Variants in AK3 observed in about 807,000 individuals in gnomAD.
AK3 encodes the protein adenylate kinase 3.
A neutral mutation model predicts 23.7 loss-of-function variants in AK3; 27 were observed. The observed-to-expected ratio is 1.14, with a 90% CI of 0.84 to 1.57. AK3 has a LOEUF of 1.57. AK3 is among the 40% of genes most tolerant of loss of function. The pLI is 0.00. For synonymous variants in AK3, 159 were observed against 116.0 expected (o/e 1.37, Z -2.38); for missense variants, 406 against 285.6 (o/e 1.42, Z -3.04).
intron 1 of AK3, among the ~76,000 whole-genome samples, chr9:4,740,406 T>C (rs1465502439): frequency 6.6e-6 from 1 of 152,204 alleles, no homozygotes; most frequent in African/African-American, 2.4e-5. Flanking sequence ...GAGATAATTT[T>C]ATGACTGCAA....
At chr9:4,720,267 T>C (rs1324933995) in intron 2 of AK3, among the ~76,000 whole-genome samples, 2 of 152,162 alleles carry the variant, frequency 1.3e-5, no homozygotes, top group Non-Finnish European at 2.9e-5. Context: ...CCCAAGTATA[T>C]TAGGGAATTT....
intron 1 of AK3, among the ~76,000 whole-genome samples, chr9:4,736,539 C>G (rs1366401621): frequency 3.3e-5 from 5 of 151,296 alleles, no homozygotes; most frequent in African/African-American, 1.2e-4. Flanking sequence ...CTATGTGCCA[C>G]AGGTGTACAT....
rs1228307322 is a variant in AK3 at position 4,741,084 on chromosome 9, C to T, written c.4G>A (p.Gly2Arg). M[G>R]ASARLLRAVI... ...GCTCGCAGCAGCCGCGCGGACGCCC[C>T]CATGGCCGCAGACTGAGGCCCGCAC... is the stretch of plus-strand genomic sequence containing the variant. Residue 2 changes from glycine to arginine, a missense_variant, in exon 1 of 5, where the codon GGG becomes AGG. Coordinates refer to ENST00000381809, the MANE Select transcript of AK3 (RefSeq NM_016282.4). 1 of 1,538,148 alleles carries T rather than the reference C, an allele frequency of 6.5e-7. No individual in the cohort carries two copies. The highest frequency in any genetic ancestry group is 8.7e-7 in the Non-Finnish European group (1 of 1,143,796).
chr9:4,737,791 C>G (rs974867390), intron 1 of AK3, among the ~76,000 whole-genome samples: 3 of 152,156 alleles, frequency 2.0e-5, no homozygotes, highest in Non-Finnish European at 2.9e-5. Flanking sequence ...TCCCTGACTC[C>G]AAGTTTCAGT....
chr9:4,741,396 A>T (rs1356353180), upstream of AK3: 3 of 263,176 alleles, frequency 1.1e-5, no homozygotes, highest in East Asian at 2.1e-4. Context: ...CCCAGCTCCC[A>T]CCTGCGCCTC....
At chr9:4,721,879 C>G (rs1364908632) in intron 2 of AK3, among the ~76,000 whole-genome samples, 1 of 152,180 alleles carries the variant, frequency 6.6e-6, no homozygotes, top group African/African-American at 2.4e-5. Context: ...ACTTCAGAAC[C>G]TTCTTAGATA....
chr9:4,717,317 G>A (rs1425686796), intron 4 of AK3, among the ~76,000 whole-genome samples: 1 of 152,172 alleles, frequency 6.6e-6, no homozygotes, highest in Non-Finnish European at 1.5e-5. Context: ...AAGAAAACTG[G>A]AGTATTTCTT....
chr9:4,711,199 A>T lies in AK3; in HGVS notation c.*1777T>A, dbSNP rs1021745089. ...TTATTAGAACAGTCATTCAGAAGCCATTGAGACATCAGGCAGCAGAAAGGA... is the reference window on the plus strand; with the variant it reads ...TTATTAGAACAGTCATTCAGAAGCCTTTGAGACATCAGGCAGCAGAAAGGA... On this transcript the variant is annotated 3_prime_UTR_variant, in exon 5 of 5. Transcript: ENST00000381809. 1 of 152,612 alleles carries T rather than the reference A, an allele frequency of 6.6e-6. No homozygotes were observed. Among genetic ancestry groups the T allele is most frequent in the African/African-American group, 2.4e-5 (1 of 41,458 alleles). The allele number at this position is 152,612 out of a possible 1,614,324, so 9.5% of individuals were successfully genotyped here.
intron 1 of AK3, among the ~76,000 whole-genome samples, chr9:4,737,709 G>C (rs1178131185): frequency 2.0e-5 from 3 of 152,052 alleles, no homozygotes; most frequent in East Asian, 1.9e-4. Flanking sequence ...ACAGAGTGGG[G>C]ACTCTGTCTC....
intron 1 of AK3, 75 bp from the exon 2 acceptor site, chr9:4,722,700 C>T (rs1249649198): frequency 1.3e-6 from 2 of 1,590,032 alleles, no homozygotes; most frequent in Non-Finnish European, 1.7e-6. Context: ...AACGAGTTGC[C>T]TAAAGGGGAA....
At chr9:4,718,629 G>C (rs1361545487) in intron 3 of AK3, 92 bp from the exon 4 acceptor site, 2 of 983,784 alleles carry the variant, frequency 2.0e-6, no homozygotes, top group African/African-American at 3.3e-5. Context: ...AGACATCTCT[G>C]TGCAAGTGCC....
Position 4,717,617 on chromosome 9 carries a change from G to A in AK3, c.563+802C>T, listed in dbSNP as rs567842534. ...GGATTTTTCAGCTTTATGATGGTGC[G>A]AAAGCAACATGCATTCAATAGAAAT... On this transcript the variant is annotated intron_variant, in intron 4 of 4. Coordinates refer to ENST00000381809, the MANE Select transcript of AK3 (RefSeq NM_016282.4). 9.3e-4 allele frequency among the ~76,000 whole-genome samples: 142 copies of A among 152,264 alleles called. No individual in the cohort carries two copies. The Middle Eastern group carries it at 0.031, about 33-fold the overall frequency.
At chr9:4,713,905 C>CATATACAA in intron 4 of AK3, among the ~76,000 whole-genome samples, 1 of 12 alleles carries the variant, frequency 0.083, no homozygotes, top group Admixed American at 0.17. Flanking sequence ...TACACCTACG[C>CATATACAA]CTACACATAT....
intron 3 of AK3, 80 bp downstream of exon 3, chr9:4,719,055 A>G: frequency 2.6e-6 from 4 of 1,519,482 alleles, no homozygotes; most frequent in South Asian, 1.2e-5. Flanking sequence ...AGGATTTCCA[A>G]GTTCACTCAA....
At chr9:4,726,303 T>G (rs181053081) in intron 1 of AK3, among the ~76,000 whole-genome samples, 1 of 152,264 alleles carries the variant, frequency 6.6e-6, no homozygotes, top group East Asian at 1.9e-4. Context: ...ACCAAAAACT[T>G]CTCTGTAGCA....
intron 1 of AK3, among the ~76,000 whole-genome samples, chr9:4,739,219 G>C (rs909166300): frequency 6.6e-6 from 1 of 151,356 alleles, no homozygotes; most frequent in Admixed American, 6.6e-5. Flanking sequence ...TTTTTTTCGA[G>C]ATGGGGTCTT....
intron 1 of AK3, among the ~76,000 whole-genome samples, chr9:4,727,417 A>G (rs1236601023): frequency 6.6e-6 from 1 of 152,222 alleles, no homozygotes; most frequent in Non-Finnish European, 1.5e-5. Context: ...CTTCTACATC[A>G]GCACTTGCAC....
chr9:4,720,007 G>T (rs971842673), intron 2 of AK3, among the ~76,000 whole-genome samples: 1 of 152,098 alleles, frequency 6.6e-6, no homozygotes. Flanking sequence ...AGGTTGTAGT[G>T]AACCAAAATT....
At chr9:4,736,685 T>C (rs1842301729) in intron 1 of AK3, among the ~76,000 whole-genome samples, 1 of 151,780 alleles carries the variant, frequency 6.6e-6, no homozygotes, top group Non-Finnish European at 1.5e-5. Flanking sequence ...TAGGGTTATG[T>C]CTCCTTTTTT....
Sources: gnomAD v4.1 joint callset for allele counts (sites outside exome capture counted in the v4.1 genomes callset) on GRCh38, gnomAD v4.1.1 for gene constraint, MANE v1.5 for transcripts, NCBI Gene and HGNC (gene_info 2026-07-23, HGNC 2026-07-21) for gene names.